GPR89A: variants seen among roughly 807,000 people sequenced by gnomAD.
The protein encoded by GPR89A is G protein-coupled receptor 89A.
A neutral mutation model predicts 52.0 loss-of-function variants in GPR89A; 16 were observed. The observed-to-expected ratio is 0.31, with a 90% CI of 0.21 to 0.47. GPR89A has a LOEUF of 0.47. Among genes scored for constraint, GPR89A ranks in the 20% least tolerant of loss-of-function variants. The probability of loss-of-function intolerance (pLI) is 1.00; values close to 1 mark genes in which losing one functional copy is unlikely to be tolerated. For synonymous variants in GPR89A, 55 were observed against 150.9 expected, an observed-to-expected ratio of 0.36 and a Z score of 4.66; for missense variants, 135 against 449.4, an observed-to-expected ratio of 0.30 and a Z score of 6.33.
rs1478996446 is a variant in GPR89A, at chr1:145,648,498, T to TTA, written c.909+1231_909+1232insTA. On this transcript the variant is annotated intron_variant, in intron 10 of 13. Transcript: ENST00000313835. The stretch of plus-strand genomic sequence containing the variant: ...TTAGGGAAGCATGTCTTTTTTTTTT[T>TTA]AGATGGAGTCTCATTCTGTCACCCA... Among the ~76,000 whole-genome samples the TTA allele has an allele frequency of 7.3e-5, 11 of 150,834 alleles. No individual in the cohort carries two copies. The East Asian group carries it at 2.1e-3, about 29-fold the overall frequency.
intron 7 of GPR89A, among the ~76,000 whole-genome samples, chr1:145,635,911 A>G (rs587729386): frequency 3.4e-3 from 516 of 152,244 alleles, no homozygotes; most frequent in Non-Finnish European, 6.1e-3. Context: ...GTGAGCCGAG[A>G]TTACACCACT....
intron 12 of GPR89A, among the ~76,000 whole-genome samples, chr1:145,668,206 T>G (rs1451250903): frequency 1.7e-4 from 26 of 152,244 alleles, no homozygotes; most frequent in African/African-American, 5.8e-4. Flanking sequence ...TCCATGAGCA[T>G]GGAATGTTCT....
Position 145,608,263 on chromosome 1 carries a change from G to C in GPR89A, c.42+88G>C, listed in dbSNP as rs1353931092. On this transcript the variant is annotated intron_variant, in intron 1 of 13. Transcript: ENST00000313835. ...TCCTCCGCGGTGCGGGCTGGTCCGG[G>C]GTCTCGCTCCTCTCTTACGCGTCCT... is the stretch of plus-strand genomic sequence containing the variant. 4 of 1,559,412 alleles carry C rather than the reference G, an allele frequency of 2.6e-6. No homozygotes were observed. The African/African-American group carries it at 5.5e-5, about 21-fold the overall frequency.
Position 145,654,551 on chromosome 1 carries a change from T to TCAAAAAAAAA in GPR89A, c.909+7284_909+7285insCAAAAAAAAA, listed in dbSNP as rs1388621596. Among the ~76,000 whole-genome samples, 4 of 107,226 alleles carry TCAAAAAAAAA rather than the reference T, an allele frequency of 3.7e-5. 2 individuals carry two copies. The highest frequency in any genetic ancestry group is 3.6e-5 in the Non-Finnish European group (2 of 56,190). The allele number at this position is 107,226 out of a possible 152,430, so 70.3% of individuals were successfully genotyped here. ...CTGGGTGACAGAGCAAGAATCCATC[T>TCAAAAAAAAA]ACAAAAAAAAAAAAAAAAAACAGAA... On this transcript the variant is annotated intron_variant, in intron 10 of 13. Transcript: ENST00000313835.
At chr1:145,652,809 T>C (rs1484102130) in intron 10 of GPR89A, among the ~76,000 whole-genome samples, 1 of 147,540 alleles carries the variant, frequency 6.8e-6, no homozygotes, top group Non-Finnish European at 1.5e-5. Context: ...TGATGGTTAT[T>C]TGTATTTCTG....
intron 1 of GPR89A, among the ~76,000 whole-genome samples, chr1:145,609,079 C>T (rs587750592): frequency 1.3e-5 from 2 of 152,214 alleles, no homozygotes; most frequent in African/African-American, 4.8e-5. Flanking sequence ...AATTGTTGGC[C>T]AATATTTGTG....
At chr1:145,609,415 T>G (rs587647405) in intron 1 of GPR89A, among the ~76,000 whole-genome samples, 1 of 152,264 alleles carries the variant, frequency 6.6e-6, no homozygotes, top group South Asian at 2.1e-4. Context: ...TTTACCACCT[T>G]TTCTATAGTT....
At chr1:145,625,542 C>T (rs1373779835) in intron 5 of GPR89A, among the ~76,000 whole-genome samples, 49 of 147,158 alleles carry the variant, frequency 3.3e-4, no homozygotes, top group Non-Finnish European at 6.4e-4. Context: ...GGTTTCTCCA[C>T]GTTGCTCAGG....
chr1:145,635,495 G>A (rs782428013), intron 7 of GPR89A, among the ~76,000 whole-genome samples: 2 of 152,096 alleles, frequency 1.3e-5, no homozygotes, highest in Non-Finnish European at 2.9e-5. Context: ...GCTATTGAAG[G>A]TAGACACGTG....
At chr1:145,632,439 A>G (rs1254156219) in intron 7 of GPR89A, among the ~76,000 whole-genome samples, 7 of 151,856 alleles carry the variant, frequency 4.6e-5, no homozygotes, top group African/African-American at 1.7e-4. Flanking sequence ...CCATCATTCT[A>G]CCCTCTGCTT....
Position 145,610,389 on chromosome 1 carries a change from G to A in GPR89A, c.42+2214G>A, listed in dbSNP as rs1490268666. Among the ~76,000 whole-genome samples, 3 of 152,034 alleles carry A rather than the reference G, an allele frequency of 2.0e-5. 1 individual carries two copies. Among genetic ancestry groups the A allele is most frequent in the Admixed American group, 2.0e-4 (3 of 15,260 alleles). ...GACCCTGGCTCTTCTCTCTTCAGCT[G>A]TGGCTCCAATTTATTCTTTAGACTT... On this transcript the variant is annotated intron_variant, in intron 1 of 13. Coordinates refer to ENST00000313835, the MANE Select transcript of GPR89A (RefSeq NM_001097612.2).
intron 3 of GPR89A, among the ~76,000 whole-genome samples, chr1:145,622,812 CAT>C (rs1451885237): frequency 2.7e-5 from 4 of 150,752 alleles, no homozygotes; most frequent in African/African-American, 9.8e-5. Flanking sequence ...ATATCAAAAA[CAT>C]AAACATTCTT....
rs587662652 is a variant in GPR89A, at chr1:145,649,552, A to G, written c.909+2285A>G. On this transcript the variant is annotated intron_variant, in intron 10 of 13. Coordinates refer to ENST00000313835, the MANE Select transcript of GPR89A (RefSeq NM_001097612.2). ...ACAATTTTGTTTGTCCATTCATCTG[A>G]TGATGAATATTTGGTTGTTTCCAGT... Among the ~76,000 whole-genome samples the G allele has an allele frequency of 5.0e-3, 760 of 151,754 alleles. 6 individuals are homozygous for G. The highest frequency in any genetic ancestry group is 0.017 in the African/African-American group (688 of 41,354).
At chr1:145,660,323 A>G (rs1553695362) in intron 10 of GPR89A, among the ~76,000 whole-genome samples, 1 of 152,166 alleles carries the variant, frequency 6.6e-6, no homozygotes, top group African/African-American at 2.4e-5. Context: ...AAAGACTTAA[A>G]CGTTAGACCT....
chr1:145,628,638 G>A (rs1463888790), intron 5 of GPR89A, among the ~76,000 whole-genome samples: 8 of 151,970 alleles, frequency 5.3e-5, no homozygotes, highest in Non-Finnish European at 1.0e-4. Flanking sequence ...TGTTATGAGG[G>A]TTAAATGAAT....
chr1:145,643,197 A>G (rs1338004874), intron 7 of GPR89A, among the ~76,000 whole-genome samples: 1 of 151,580 alleles, frequency 6.6e-6, no homozygotes, highest in African/African-American at 2.4e-5. Context: ...ATGGAGTCTC[A>G]CTCTGTCACC....
In GPR89A at chr1:145,670,473, T is replaced by C. The variant is rs1194145711; in HGVS notation, c.*433T>C. 1.5e-5 allele frequency: 4 copies of C among 275,228 alleles called. No homozygotes were observed. In the East Asian group the frequency reaches 3.9e-4, roughly 27 times the overall value. The allele number at this position is 275,228 out of a possible 1,614,324, so 17.0% of individuals were successfully genotyped here. ...AATCAGAGACTGTAACACTTTTGCC[T>C]TACGTTCATTTTATCAAGCATAGCT... On this transcript the variant is annotated 3_prime_UTR_variant, in exon 14 of 14. Coordinates refer to ENST00000313835, the MANE Select transcript of GPR89A (RefSeq NM_001097612.2).
chr1:145,639,087 CAT>C (rs1163297679), intron 7 of GPR89A, among the ~76,000 whole-genome samples: 1 of 151,248 alleles, frequency 6.6e-6, no homozygotes, highest in Non-Finnish European at 1.5e-5. Context: ...TCTAACAAAA[CAT>C]GTATATAGGA....
At chr1:145,662,289 A>G (rs1484808862) in intron 10 of GPR89A, among the ~76,000 whole-genome samples, 1 of 152,186 alleles carries the variant, frequency 6.6e-6, no homozygotes, top group Non-Finnish European at 1.5e-5. Flanking sequence ...ATAAACATTT[A>G]GAATCATTGT....
Sources: gnomAD v4.1 joint callset for allele counts (sites outside exome capture counted in the v4.1 genomes callset) on GRCh38, gnomAD v4.1.1 for gene constraint, MANE v1.5 for transcripts, NCBI Gene and HGNC (gene_info 2026-07-23, HGNC 2026-07-21) for gene names.